PHTF1: variants seen among roughly 807,000 people sequenced by gnomAD.
PHTF1 encodes putative homeodomain transcription factor 1.
PHTF1 carries 88 observed loss-of-function variants against 102.4 expected under a neutral mutation model. The observed-to-expected ratio is 0.86, with a 90% CI of 0.72 to 1.03. The LOEUF is 1.03. Ranked by LOEUF, PHTF1 falls within the 50% of genes least tolerant of loss-of-function variation. The probability of loss-of-function intolerance (pLI) is 0.00; values close to 1 mark genes in which losing one functional copy is unlikely to be tolerated. For synonymous variants in PHTF1, 289 were observed against 305.2 expected, an observed-to-expected ratio of 0.95 and a Z score of 0.55; for missense variants, 814 against 909.5, an observed-to-expected ratio of 0.89 and a Z score of 1.35.
chr1:113,714,556 G>A (rs887751592), intron 7 of PHTF1: 7 of 152,402 alleles, frequency 4.6e-5, no homozygotes, highest in Non-Finnish European at 8.8e-5. Flanking sequence ...TTGAGGAAAC[G>A]GGAGAGAAGA....
intron 7 of PHTF1, among the ~76,000 whole-genome samples, chr1:113,718,232 G>A (rs1331366203): frequency 6.6e-6 from 1 of 152,184 alleles, no homozygotes; most frequent in African/African-American, 2.4e-5. Context: ...AAATTTTAAA[G>A]CTCCAAAATG....
chr1:113,743,946 T>A (rs892198892), intron 3 of PHTF1, among the ~76,000 whole-genome samples: 2 of 152,204 alleles, frequency 1.3e-5, no homozygotes, highest in Admixed American at 6.5e-5. Flanking sequence ...CTCTAACCAC[T>A]ACACTATCCT....
chr1:113,752,664 G>A (rs370978935), intron 3 of PHTF1, among the ~76,000 whole-genome samples: 3 of 152,230 alleles, frequency 2.0e-5, no homozygotes, highest in African/African-American at 4.8e-5. Context: ...GATTACAGGC[G>A]TGAGCCACTG....
chr1:113,740,358 T>C (rs372077744), intron 3 of PHTF1, among the ~76,000 whole-genome samples: 12 of 152,202 alleles, frequency 7.9e-5, no homozygotes, highest in African/African-American at 2.2e-4. Context: ...CTGTTTGCCA[T>C]CTGTATTGTC....
intron 10 of PHTF1, among the ~76,000 whole-genome samples, chr1:113,710,875 G>A (rs1650995731): frequency 6.7e-6 from 1 of 148,992 alleles, no homozygotes; most frequent in African/African-American, 2.5e-5. Context: ...CCGACTCCTG[G>A]TCTCAAGCTA....
intron 5 of PHTF1, among the ~76,000 whole-genome samples, chr1:113,726,896 AAG>A (rs1653931322): frequency 6.6e-6 from 1 of 152,198 alleles, no homozygotes; most frequent in Non-Finnish European, 1.5e-5. Flanking sequence ...TGCTCAAAGG[AAG>A]AGTATTTTCC....
rs543525900 is a variant in PHTF1 at position 113,740,790 on chromosome 1, G to A, written c.103-1991C>T. 2.7e-3 allele frequency among the ~76,000 whole-genome samples: 407 copies of A among 151,644 alleles called. 3 individuals carry two copies. The highest frequency in any genetic ancestry group is 9.2e-3 in the African/African-American group (384 of 41,518). On this transcript the variant is annotated intron_variant, in intron 3 of 18. Transcript: ENST00000369604. ...CACCCCTATAATCCCAGCACTTTGG[G>A]AGGGGCCAAGGTGGGAGGATACTTG...
At chr1:113,726,322 CAA>C in intron 6 of PHTF1, 94 bp downstream of exon 6, 1 of 966,776 alleles carries the variant, frequency 1.0e-6, no homozygotes, top group Non-Finnish European at 1.5e-6. Flanking sequence ...ATGAAAAACA[CAA>C]AAGAGGGAGA....
chr1:113,746,028 CTG>C (rs1187512464), intron 3 of PHTF1, among the ~76,000 whole-genome samples: 12 of 152,318 alleles, frequency 7.9e-5, no homozygotes, highest in African/African-American at 2.9e-4. Flanking sequence ...TATACAATCT[CTG>C]TCACAACCAC....
At chr1:113,750,098 G>A (rs558804700) in intron 3 of PHTF1, among the ~76,000 whole-genome samples, 12 of 151,996 alleles carry the variant, frequency 7.9e-5, no homozygotes, top group Non-Finnish European at 1.3e-4. Flanking sequence ...GGGCTCAGGC[G>A]ATCCCCCCCA....
chr1:113,748,811 C>T (rs569930949), intron 3 of PHTF1, among the ~76,000 whole-genome samples: 2 of 152,282 alleles, frequency 1.3e-5, no homozygotes, highest in South Asian at 2.1e-4. Context: ...AGATTACAGG[C>T]GTGAGCCACT....
At chr1:113,698,126 A>T in intron 18 of PHTF1, 136 bp downstream of exon 18, 1 of 669,494 alleles carries the variant, frequency 1.5e-6, no homozygotes, top group Non-Finnish European at 2.4e-6. Context: ...CTATTTCTTT[A>T]CCTCAAGAGT....
chr1:113,699,848 T>C, intron 16 of PHTF1, 49 bp from the exon 17 acceptor site: 1 of 764,832 alleles, frequency 1.3e-6, no homozygotes, highest in Non-Finnish European at 2.1e-6. Flanking sequence ...AAAAAATATA[T>C]ATACTGCATA....
chr1:113,758,874 A>C, intron 1 of PHTF1, 141 bp from the exon 2 acceptor site: 1 of 1,293,474 alleles, frequency 7.7e-7, no homozygotes. Context: ...AACACAACAA[A>C]CAAACAAAAA....
intron 16 of PHTF1, 83 bp downstream of exon 16, chr1:113,700,711 A>T: frequency 7.6e-7 from 1 of 1,309,316 alleles, no homozygotes; most frequent in Non-Finnish European, 1.1e-6. Flanking sequence ...GACAGTGATT[A>T]AACCCTGAAT....
intron 7 of PHTF1, 138 bp downstream of exon 7, chr1:113,724,621 T>C: frequency 2.0e-6 from 1 of 505,480 alleles, no homozygotes; most frequent in Non-Finnish European, 3.4e-6. Context: ...GAAGACAACA[T>C]TTTGAGTAAG....
intron 2 of PHTF1, among the ~76,000 whole-genome samples, chr1:113,758,231 CAAAAAAAAAAAAA>C (rs1162537319): frequency 3.4e-5 from 2 of 58,212 alleles, no homozygotes; most frequent in African/African-American, 1.3e-4. Flanking sequence ...AACTCCGTCT[CAAAAAAAAAAAAA>C]AAAAAAAAAA....
Position 113,757,691 on chromosome 1 carries a change from C to G in PHTF1, c.102+8G>C, listed in dbSNP as rs1659084174. ...GAAACATAGGCGGAATCAAAGAAAT[C>G]AATTTACCTTAATCTGAGTCTGTTC... On this transcript the variant is annotated splice_region_variant and intron_variant, in intron 3 of 18. Coordinates refer to ENST00000369604, the MANE Select transcript of PHTF1 (RefSeq NM_001323043.2). 1 of 1,587,418 alleles carries G rather than the reference C, an allele frequency of 6.3e-7. No individual in the cohort carries two copies. The highest frequency in any genetic ancestry group is 8.7e-7 in the Non-Finnish European group (1 of 1,155,806).
intron 7 of PHTF1, chr1:113,714,804 C>A (rs1426222897): frequency 6.6e-6 from 1 of 152,340 alleles, no homozygotes; most frequent in Non-Finnish European, 1.5e-5. Context: ...AAGTGGTCAC[C>A]ATGTGGACCT....
Sources: allele counts gnomAD v4.1 joint callset (sites outside exome capture counted in the v4.1 genomes callset), GRCh38; gene constraint gnomAD v4.1.1; transcripts MANE v1.5; gene names NCBI Gene and HGNC (gene_info 2026-07-23, HGNC 2026-07-21).